Variants in SCN10A observed in about 807,000 individuals in gnomAD.
The protein encoded by SCN10A is sodium voltage-gated channel alpha subunit 10.
Under a neutral mutation model 170.7 loss-of-function variants are expected in SCN10A, and 162 were observed. The observed-to-expected ratio is 0.95, with a 90% CI of 0.84 to 1.08. SCN10A has a LOEUF of 1.08. Among genes scored for constraint, SCN10A ranks in the 50% least tolerant of loss-of-function variants. SCN10A has a pLI of 0.00. For synonymous variants in SCN10A, 985 were observed against 904.6 expected, an observed-to-expected ratio of 1.09 and a Z score of -1.59; for missense variants, 2,527 against 2,436.9, an observed-to-expected ratio of 1.04 and a Z score of -0.78.
At chr3:38,724,021 A>G (rs2063426436) in intron 18 of SCN10A, among the ~76,000 whole-genome samples, 1 of 152,218 alleles carries the variant, frequency 6.6e-6, no homozygotes, top group Non-Finnish European at 1.5e-5. Context: ...CAAGAAAACA[A>G]AAACAAAAAA....
In SCN10A at chr3:38,710,917, G is replaced by A; in HGVS notation, c.4090-20C>T. 6.2e-7 allele frequency: 1 copy of A among 1,608,978 alleles called. No individual in the cohort carries two copies. The highest frequency in any genetic ancestry group is 8.5e-7 in the Non-Finnish European group (1 of 1,176,300). ...GGTTGCCTGGAGACAAGGAGCAGAG[G>A]CCACTCAGTGTCTGCCCATCCATCT... On this transcript the variant is annotated intron_variant, in intron 23 of 27. Transcript: ENST00000449082.
intron 27 of SCN10A, 125 bp downstream of exon 27, chr3:38,701,714 C>A: frequency 1.1e-6 from 1 of 872,316 alleles, no homozygotes; most frequent in Admixed American, 2.7e-5. Flanking sequence ...GCTGCAAATA[C>A]AGGGTTCTTC....
At chr3:38,729,189 GC>G (rs2063489695) in intron 15 of SCN10A, among the ~76,000 whole-genome samples, 2 of 152,130 alleles carry the variant, frequency 1.3e-5, no homozygotes. Flanking sequence ...CTGTTCTATA[GC>G]CACAGGCCTG....
chr3:38,772,333 AAAAAAGAAAAG>A (rs1218634285), intron 4 of SCN10A, among the ~76,000 whole-genome samples: 2 of 151,790 alleles, frequency 1.3e-5, no homozygotes, highest in African/African-American at 4.8e-5. Flanking sequence ...AAAAAAAAAA[AAAAAAGAAAAG>A]AAAAGAAAAG....
chr3:38,722,826 C>A (rs1201850184), intron 19 of SCN10A, among the ~76,000 whole-genome samples: 2 of 152,060 alleles, frequency 1.3e-5, no homozygotes, highest in African/African-American at 4.8e-5. Flanking sequence ...CTCAGCCCAG[C>A]CCAGGGTCAA....
intron 15 of SCN10A, among the ~76,000 whole-genome samples, 198 bp from the exon 16 acceptor site, chr3:38,729,099 G>A (rs961097048): frequency 6.6e-6 from 1 of 152,168 alleles, no homozygotes; most frequent in Non-Finnish European, 1.5e-5. Context: ...GCCTTCTATG[G>A]TTCATAAGTA....
chr3:38,707,565 A>G (rs1244702630), intron 25 of SCN10A, among the ~76,000 whole-genome samples, 182 bp from the exon 26 acceptor site: 1 of 152,134 alleles, frequency 6.6e-6, no homozygotes, highest in Admixed American at 6.5e-5. Context: ...ACTGAGTTCC[A>G]TTGCTGACTC....
chr3:38,710,864 C>CTT lies in SCN10A; in HGVS notation c.4122_4123insAA (p.Ala1375LysfsTer37). 6.2e-7 allele frequency: 1 copy of CTT among 1,613,774 alleles called. No homozygotes were observed. Among genetic ancestry groups the CTT allele is most frequent in the Non-Finnish European group, 8.5e-7 (1 of 1,179,872 alleles). On this transcript the variant is annotated frameshift_variant, in exon 24 of 28. Transcript: ENST00000449082. LOFTEE classifies it high-confidence loss of function. ...CTCACCTCCCGGGAATCAACAGCTG[C>CTT]ATACATAATGTCCATCCAGCCTTTA...
intron 13 of SCN10A, among the ~76,000 whole-genome samples, chr3:38,745,506 A>G (rs2063676783): frequency 6.6e-6 from 1 of 152,110 alleles, no homozygotes; most frequent in South Asian, 2.1e-4. Context: ...ACAAAAACCA[A>G]AAAGTCTTCT....
At chr3:38,763,690 A>G in intron 5 of SCN10A, 94 bp from the exon 6 acceptor site, 1 of 879,002 alleles carries the variant, frequency 1.1e-6, no homozygotes, top group Non-Finnish European at 1.9e-6. Context: ...TCATTAGCCT[A>G]GAAAGGATGC....
chr3:38,802,877 A>G (rs2064381134), intron 1 of SCN10A, among the ~76,000 whole-genome samples: 1 of 152,220 alleles, frequency 6.6e-6, no homozygotes, highest in African/African-American at 2.4e-5. Flanking sequence ...ACAGAATGGG[A>G]GAAAATTTTT....
intron 27 of SCN10A, among the ~76,000 whole-genome samples, chr3:38,699,501 C>T (rs1294045600): frequency 6.6e-6 from 1 of 152,136 alleles, no homozygotes; most frequent in Non-Finnish European, 1.5e-5. Context: ...AGCAAGCTCT[C>T]GCTCCTTGCC....
chr3:38,761,246 C>T lies in SCN10A; in HGVS notation c.829G>A (p.Val277Ile), dbSNP rs142124216. 4 of 1,611,302 alleles carry T rather than the reference C, an allele frequency of 2.5e-6. No individual in the cohort carries two copies. The highest frequency in any genetic ancestry group is 2.7e-5 in the African/African-American group (2 of 74,884). ...TCATTGACAGCCATGTCATTCTTGA[C>T]ACATTTATTTTTGAGGTTGCCCTTG... ...LFKGNLKNKC[V>I]KNDMAVNETT... is the part of the protein sequence containing the mutation. Residue 277 changes from valine to isoleucine, a missense_variant, in exon 7 of 28, where the codon GTC becomes ATC. Val to Ile is a conservative substitution (Grantham distance 29). Transcript: ENST00000449082.
chr3:38,719,550 C>A (rs539118922), intron 20 of SCN10A, among the ~76,000 whole-genome samples: 6 of 151,506 alleles, frequency 4.0e-5, no homozygotes, highest in Admixed American at 2.6e-4. Context: ...CCCGCCACTA[C>A]GCCCGGCTAA....
At position 38,742,566 on chromosome 3, in the gene SCN10A, T is replaced by C. The variant is rs377342185; in HGVS notation, c.1868-37A>G. 23 of 1,535,128 alleles carry C rather than the reference T, an allele frequency of 1.5e-5. No homozygotes were observed. The African/African-American group carries it at 3.0e-4, about 20-fold the overall frequency. On this transcript the variant is annotated intron_variant, in intron 13 of 27. Coordinates refer to ENST00000449082, the MANE Select transcript of SCN10A (RefSeq NM_006514.4). ...TGTGGTCAATGACAGCTGTCAGCCA[T>C]GTGTCACCTTGGACCCCAATTCTGC...
At chr3:38,725,384 T>A in intron 17 of SCN10A, 70 bp from the exon 18 acceptor site, 1 of 1,434,446 alleles carries the variant, frequency 7.0e-7, no homozygotes, top group Non-Finnish European at 9.3e-7. Context: ...TTTGAAGGGA[T>A]CTTGCACATC....
chr3:38,730,093 G>A (rs1487666387), intron 15 of SCN10A, among the ~76,000 whole-genome samples: 1 of 152,156 alleles, frequency 6.6e-6, no homozygotes, highest in Non-Finnish European at 1.5e-5. Flanking sequence ...AGCAGGAAAC[G>A]TAGTCCATGG....
At chr3:38,736,963 G>GTCTT (rs1553618224) in intron 15 of SCN10A, among the ~76,000 whole-genome samples, 1 of 46,666 alleles carries the variant, frequency 2.1e-5, no homozygotes, top group Non-Finnish European at 3.6e-5. Context: ...AGAAATGTTC[G>GTCTT]TTTTTTTTTT....
intron 1 of SCN10A, among the ~76,000 whole-genome samples, chr3:38,807,338 A>G (rs2064410726): frequency 6.6e-6 from 1 of 152,200 alleles, no homozygotes; most frequent in Admixed American, 6.5e-5. Context: ...AATGTCACAA[A>G]GGTCATACAT....
Sources: allele counts gnomAD v4.1 joint callset (sites outside exome capture counted in the v4.1 genomes callset), GRCh38; gene constraint gnomAD v4.1.1; transcripts MANE v1.5; gene names NCBI Gene and HGNC (gene_info 2026-07-23, HGNC 2026-07-21).